NDUFAF4: variants seen among roughly 807,000 people sequenced by gnomAD.
NDUFAF4 encodes NADH:ubiquinone oxidoreductase complex assembly factor 4, also known as NADH dehydrogenase [ubiquinone] 1 alpha subcomplex assembly factor 4.
Under a neutral mutation model 15.6 loss-of-function variants are expected in NDUFAF4, and 10 were observed. The observed-to-expected ratio is 0.64, with a 90% CI of 0.40 to 1.09. NDUFAF4 has a LOEUF of 1.09. NDUFAF4 is among the 50% of genes least tolerant of loss of function. The pLI is 0.01. For synonymous variants in NDUFAF4, 77 were observed against 73.3 expected, an observed-to-expected ratio of 1.05 and a Z score of -0.26; for missense variants, 203 against 207.3, an observed-to-expected ratio of 0.98 and a Z score of 0.13.
chr6:96,894,092 C>T (rs889528172), intron 2 of NDUFAF4, among the ~76,000 whole-genome samples: 3 of 152,156 alleles, frequency 2.0e-5, no homozygotes, highest in African/African-American at 7.2e-5. Flanking sequence ...TCTACAGTTA[C>T]CTGAAGTCAA....
Position 96,891,170 on chromosome 6 carries a change from T to C in NDUFAF4, c.462A>G (p.Lys154=). ...LEQKDVNSLL[K]YFVTFEVEIF... is the part of the protein sequence containing the mutation. ...TTTCGACTTCAAAAGTAACAAAATATTTAAGAAGAGAATTCACATCTTTCT... is the reference window on the plus strand; with the variant it reads ...TTTCGACTTCAAAAGTAACAAAATACTTAAGAAGAGAATTCACATCTTTCT... The change falls in exon 3 of 3, where the codon AAA becomes AAG. Residue 154 remains lysine (K), a synonymous_variant. Transcript: ENST00000316149. 4 of 1,613,152 alleles carry C rather than the reference T, an allele frequency of 2.5e-6. No individual in the cohort carries two copies. Among genetic ancestry groups the C allele is most frequent in the Non-Finnish European group, 3.4e-6 (4 of 1,179,384 alleles).
At chr6:96,897,458 G>C (rs1484821503) in intron 1 of NDUFAF4, among the ~76,000 whole-genome samples, 1 of 152,186 alleles carries the variant, frequency 6.6e-6, no homozygotes, top group African/African-American at 2.4e-5. Context: ...CTCGGAAGTA[G>C]GCGGGGCCGC....
chr6:96,896,749 A>C lies in NDUFAF4; in HGVS notation c.235T>G (p.Leu79Val), dbSNP rs2127975286. 1 of 1,609,596 alleles carries C rather than the reference A, an allele frequency of 6.2e-7. No homozygotes were observed. The highest frequency in any genetic ancestry group is 1.1e-5 in the South Asian group (1 of 90,956). Residue 79 changes from leucine to valine, a missense_variant, in exon 2 of 3, where the codon TTG becomes GTG. Leu to Val is a conservative substitution (Grantham distance 32). Transcript: ENST00000316149. Reference protein sequence around the residue: ...YVDSKDPVSSLQVKAAETCQE... With the variant: ...YVDSKDPVSSVQVKAAETCQE... ...TTAATTAAACACACATTTACCTGCA[A>C]GGAAGACACAGGATCTTTGGAATCA...
chr6:96,891,439 T>G, intron 2 of NDUFAF4, 48 bp from the exon 3 acceptor site: 1 of 1,514,754 alleles, frequency 6.6e-7, no homozygotes, highest in Non-Finnish European at 9.1e-7. Context: ...AGATTTGACA[T>G]CTACTTTCAT....
chr6:96,889,606 A>G lies in NDUFAF4; in HGVS notation c.*1498T>C, dbSNP rs1775287297. 6.6e-6 allele frequency: 1 copy of G among 152,540 alleles called. No individual in the cohort carries two copies. Among genetic ancestry groups the G allele is most frequent in the Non-Finnish European group, 1.5e-5 (1 of 68,010 alleles). The allele number at this position is 152,540 out of a possible 1,614,324, so 9.4% of individuals were successfully genotyped here. A position where few individuals can be genotyped will look rare whatever the true frequency, so the allele number is the denominator to read the frequency against. ...ATCTACATTCAAAGTCATGCTTACAAATTTTCCACTTAGTCCATTTTTCTG... is the reference window on the plus strand; with the variant it reads ...ATCTACATTCAAAGTCATGCTTACAGATTTTCCACTTAGTCCATTTTTCTG... On this transcript the variant is annotated 3_prime_UTR_variant, in exon 3 of 3. Coordinates refer to ENST00000316149, the MANE Select transcript of NDUFAF4 (RefSeq NM_014165.4).
At position 96,891,184 on chromosome 6, in the gene NDUFAF4, T is replaced by C. The variant is rs763290953; in HGVS notation, c.448A>G (p.Asn150Asp). Residue 150 changes from asparagine (N) to aspartate (D), a missense_variant, in exon 3 of 3, where the codon AAT becomes GAT. Transcript: ENST00000316149. ...QEYQLEQKDV[N>D]SLLKYFVTFE... ...GTAACAAAATATTTAAGAAGAGAAT[T>C]CACATCTTTCTGTTCTAACTGGTAT... 1.2e-6 allele frequency: 2 copies of C among 1,612,692 alleles called. No homozygotes were observed. The highest frequency in any genetic ancestry group is 1.7e-6 in the Non-Finnish European group (2 of 1,178,892).
rs796253199 is a variant in NDUFAF4 at position 96,894,883 on chromosome 6, A to C, written c.240+1861T>G. 5.9e-5 allele frequency among the ~76,000 whole-genome samples: 9 copies of C among 152,380 alleles called. No individual in the cohort carries two copies. The South Asian group carries it at 1.4e-3, about 25-fold the overall frequency. On this transcript the variant is annotated intron_variant, in intron 2 of 2. Transcript: ENST00000316149. ...ATTTCATTCTCAAATTCATCTGGAAAAATATTAATGTGTGAAAAGAGACCA... is the reference window on the plus strand; with the variant it reads ...ATTTCATTCTCAAATTCATCTGGAACAATATTAATGTGTGAAAAGAGACCA...
chr6:96,897,546 G>GA, intron 1 of NDUFAF4, 120 bp downstream of exon 1: 2 of 1,436,460 alleles, frequency 1.4e-6, no homozygotes, highest in Non-Finnish European at 1.9e-6. Flanking sequence ...CCGCCAACCC[G>GA]AGCGGCTGCG....
In NDUFAF4 at chr6:96,896,743, C is replaced by T; in HGVS notation, c.240+1G>A. ...ATTCACTTAATTAAACACACATTTA[C>T]CTGCAAGGAAGACACAGGATCTTTG... On this transcript the variant is annotated splice_donor_variant, in intron 2 of 2. Transcript: ENST00000316149. LOFTEE classifies it high-confidence loss of function. 2 of 1,606,248 alleles carry T rather than the reference C, an allele frequency of 1.2e-6. No individual in the cohort carries two copies. Among genetic ancestry groups the T allele is most frequent in the Non-Finnish European group, 1.7e-6 (2 of 1,174,352 alleles).
Position 96,896,738 on chromosome 6 carries a change from A to T in NDUFAF4, c.240+6T>A. The T allele has an allele frequency of 6.2e-7, 1 of 1,602,048 alleles. No individual in the cohort carries two copies. Among genetic ancestry groups the T allele is most frequent in the East Asian group, 2.2e-5 (1 of 44,802 alleles). On this transcript the variant is annotated splice_donor_region_variant and intron_variant, in intron 2 of 2. Coordinates refer to ENST00000316149, the MANE Select transcript of NDUFAF4 (RefSeq NM_014165.4). The stretch of plus-strand genomic sequence containing the variant: ...TGTGTATTCACTTAATTAAACACAC[A>T]TTTACCTGCAAGGAAGACACAGGAT...
At position 96,897,826 on chromosome 6, in the gene NDUFAF4, G is replaced by C; in HGVS notation, c.-25C>G. The C allele has an allele frequency of 6.2e-7, 1 of 1,613,918 alleles. No homozygotes were observed. Among genetic ancestry groups the C allele is most frequent in the South Asian group, 1.1e-5 (1 of 91,080 alleles). ...TCTCCTCATAACATTATGCGCTCAGGTTCAGGCCGCACGTGGGAACACCGG... is the reference window on the plus strand; with the variant it reads ...TCTCCTCATAACATTATGCGCTCAGCTTCAGGCCGCACGTGGGAACACCGG... On this transcript the variant is annotated 5_prime_UTR_variant, in exon 1 of 3. Transcript: ENST00000316149.
rs1775287235 is a variant in NDUFAF4 at position 96,889,604 on chromosome 6, C to A, written c.*1500G>T. On this transcript the variant is annotated 3_prime_UTR_variant, in exon 3 of 3. Transcript: ENST00000316149. Reference sequence around the variant, plus strand: ...AAATCTACATTCAAAGTCATGCTTACAAATTTTCCACTTAGTCCATTTTTC... The same window carrying A: ...AAATCTACATTCAAAGTCATGCTTAAAAATTTTCCACTTAGTCCATTTTTC... 6.6e-6 allele frequency: 1 copy of A among 152,658 alleles called. No homozygotes were observed. Among genetic ancestry groups the A allele is most frequent in the East Asian group, 1.9e-4 (1 of 5,184 alleles). The allele number at this position is 152,658 out of a possible 1,614,324, so 9.5% of individuals were successfully genotyped here.
intron 2 of NDUFAF4, among the ~76,000 whole-genome samples, chr6:96,892,835 C>G (rs1312276076): frequency 6.6e-6 from 1 of 152,088 alleles, no homozygotes; most frequent in Non-Finnish European, 1.5e-5. Context: ...ACACATTCTT[C>G]CAAAGTAATC....
rs536575376 is a variant in NDUFAF4, at chr6:96,890,286, A to C, written c.*818T>G. 11 of 152,170 alleles carry C rather than the reference A, an allele frequency of 7.2e-5. No individual in the cohort carries two copies. The South Asian group carries it at 1.2e-3, about 17-fold the overall frequency. The allele number at this position is 152,170 out of a possible 1,614,324, so 9.4% of individuals were successfully genotyped here. A position where few individuals can be genotyped will look rare whatever the true frequency, so the allele number is the denominator to read the frequency against. On this transcript the variant is annotated 3_prime_UTR_variant, in exon 3 of 3. Coordinates refer to ENST00000316149, the MANE Select transcript of NDUFAF4 (RefSeq NM_014165.4). ...TATATGTAATCACCAAATTTCATCTACCATGGTTTTTTAATTATTCTTTAA... is the reference window on the plus strand; with the variant it reads ...TATATGTAATCACCAAATTTCATCTCCCATGGTTTTTTAATTATTCTTTAA...
At chr6:96,891,536 TGTA>T in intron 2 of NDUFAF4, 145 bp from the exon 3 acceptor site, 1 of 855,282 alleles carries the variant, frequency 1.2e-6, no homozygotes, top group Non-Finnish European at 1.8e-6. Flanking sequence ...GTCACCAAAT[TGTA>T]GTCCCCAAAG....
At position 96,890,905 on chromosome 6, in the gene NDUFAF4, G is replaced by A. The variant is rs1775306404; in HGVS notation, c.*199C>T. 1 of 544,298 alleles carries A rather than the reference G, an allele frequency of 1.8e-6. No homozygotes were observed. Among genetic ancestry groups the A allele is most frequent in the Non-Finnish European group, 3.2e-6 (1 of 308,676 alleles). The allele number at this position is 544,298 out of a possible 1,614,324, so 33.7% of individuals were successfully genotyped here. On this transcript the variant is annotated 3_prime_UTR_variant, in exon 3 of 3. Transcript: ENST00000316149. ...ATGCTGACATGCACTTATGAAATAT[G>A]CCTAAACCAAATTAAAATAAAACAA...
chr6:96,893,549 T>C (rs555326807), intron 2 of NDUFAF4, among the ~76,000 whole-genome samples: 4 of 152,244 alleles, frequency 2.6e-5, no homozygotes, highest in East Asian at 3.9e-4. Flanking sequence ...TGAAACACTC[T>C]TCTCAACTTT....
chr6:96,889,692 A>G lies in NDUFAF4; in HGVS notation c.*1412T>C, dbSNP rs1016594192. ...CACATTGAATTCTTCAACATCCTCT[A>G]TATCATTTCCAGGGGCATCTCTGGG... On this transcript the variant is annotated 3_prime_UTR_variant, in exon 3 of 3. Transcript: ENST00000316149. 4 of 152,494 alleles carry G rather than the reference A, an allele frequency of 2.6e-5. No homozygotes were observed. The highest frequency in any genetic ancestry group is 1.9e-4 in the East Asian group (1 of 5,198). The allele number at this position is 152,494 out of a possible 1,614,324, so 9.4% of individuals were successfully genotyped here.
intron 1 of NDUFAF4, 116 bp downstream of exon 1, chr6:96,897,550 G>A: frequency 1.4e-6 from 2 of 1,444,604 alleles, no homozygotes; most frequent in Non-Finnish European, 1.9e-6. Context: ...CAACCCGAGC[G>A]GCTGCGGCCG....
Sources: gnomAD v4.1 joint callset for allele counts (sites outside exome capture counted in the v4.1 genomes callset) on GRCh38, gnomAD v4.1.1 for gene constraint, MANE v1.5 for transcripts, NCBI Gene and HGNC (gene_info 2026-07-23, HGNC 2026-07-21) for gene names.